Variants in TPP2 observed in about 807,000 individuals in gnomAD.
TPP2 encodes tripeptidyl peptidase 2.
TPP2 carries 34 observed loss-of-function variants against 155.9 expected under a neutral mutation model. The observed-to-expected ratio is 0.22, with a 90% CI of 0.17 to 0.29. The LOEUF (loss-of-function observed/expected upper bound fraction) is 0.29. TPP2 is among the 10% of genes least tolerant of loss of function. TPP2 has a pLI of 1.00. For synonymous variants in TPP2, 510 were observed against 529.4 expected, an observed-to-expected ratio of 0.96 and a Z score of 0.50; for missense variants, 1,028 against 1,522.3, an observed-to-expected ratio of 0.68 and a Z score of 5.40.
At chr13:102,652,780 C>A (rs929438651) in intron 24 of TPP2, among the ~76,000 whole-genome samples, 4 of 151,910 alleles carry the variant, frequency 2.6e-5, no homozygotes, top group Admixed American at 1.3e-4. Flanking sequence ...GTTTGGGGGC[C>A]ACGTAATGGG....
intron 24 of TPP2, 115 bp from the exon 25 acceptor site, chr13:102,656,941 C>A: frequency 9.2e-7 from 1 of 1,084,382 alleles, no homozygotes; most frequent in Non-Finnish European, 1.3e-6. Flanking sequence ...ATCTAGAATA[C>A]AGTGTAGTAC....
intron 2 of TPP2, among the ~76,000 whole-genome samples, chr13:102,609,009 C>G (rs1361018072): frequency 6.6e-6 from 1 of 151,930 alleles, no homozygotes; most frequent in East Asian, 1.9e-4. Flanking sequence ...ATATTTTTTT[C>G]CCTCAGGATG....
intron 27 of TPP2, chr13:102,667,916 C>T (rs1884713515): frequency 1.4e-6 from 1 of 724,996 alleles, no homozygotes; most frequent in Non-Finnish European, 1.7e-6. Context: ...AGGGGACTGC[C>T]AGCACTAAGG....
At chr13:102,659,891 A>G (rs1198846858) in intron 25 of TPP2, among the ~76,000 whole-genome samples, 1 of 152,234 alleles carries the variant, frequency 6.6e-6, no homozygotes, top group Non-Finnish European at 1.5e-5. Context: ...TATTAGGCCT[A>G]TGTAATATTT....
intron 17 of TPP2, 141 bp from the exon 18 acceptor site, chr13:102,644,416 A>G (rs1882965521): frequency 9.7e-6 from 6 of 617,876 alleles, no homozygotes; most frequent in Non-Finnish European, 1.7e-5. Context: ...CTTACTTAGC[A>G]TAGCTGTTAA....
chr13:102,650,248 AAC>A (rs1402154522), intron 23 of TPP2, among the ~76,000 whole-genome samples: 4 of 152,142 alleles, frequency 2.6e-5, no homozygotes, highest in Admixed American at 2.6e-4. Context: ...TGTCATTCTT[AAC>A]AGTTTTGCAT....
At chr13:102,673,328 G>C (rs1566376865) in intron 27 of TPP2, among the ~76,000 whole-genome samples, 1 of 152,174 alleles carries the variant, frequency 6.6e-6, no homozygotes, top group Non-Finnish European at 1.5e-5. Flanking sequence ...GAGTCTTTCA[G>C]AGTCACTCTT....
intron 8 of TPP2, 116 bp from the exon 9 acceptor site, chr13:102,629,365 AC>A: frequency 8.2e-7 from 1 of 1,221,126 alleles, no homozygotes; most frequent in Non-Finnish European, 1.1e-6. Context: ...ATCATGTTCC[AC>A]CAAGGGTGGA....
intron 28 of TPP2, among the ~76,000 whole-genome samples, 153 bp from the exon 29 acceptor site, chr13:102,676,143 A>G (rs965401997): frequency 1.3e-5 from 2 of 152,100 alleles, no homozygotes; most frequent in Non-Finnish European, 2.9e-5. Context: ...GAAGACACCA[A>G]TTTTCTTTTT....
Position 102,665,361 on chromosome 13 carries a change from A to C in TPP2, c.3371+436A>C, listed in dbSNP as rs114478621. Among the ~76,000 whole-genome samples the C allele has an allele frequency of 5.4e-3, 828 of 152,362 alleles. 7 individuals carry two copies. The highest frequency in any genetic ancestry group is 0.019 in the African/African-American group (801 of 41,584). On this transcript the variant is annotated intron_variant, in intron 27 of 29. Coordinates refer to ENST00000376052, the MANE Select transcript of TPP2 (RefSeq NM_001330588.2). The stretch of plus-strand genomic sequence containing the variant: ...TAATACGTGGTTTGTAGTGAAATAA[A>C]TGATAATAAAATTAGGTTAAAACTA...
At chr13:102,608,500 C>G (rs1032972681) in intron 2 of TPP2, among the ~76,000 whole-genome samples, 2 of 151,998 alleles carry the variant, frequency 1.3e-5, no homozygotes, top group East Asian at 3.9e-4. Flanking sequence ...TTTTTTTCCA[C>G]CTTTTCTTCA....
intron 27 of TPP2, among the ~76,000 whole-genome samples, chr13:102,671,759 G>A (rs189662488): frequency 7.9e-5 from 12 of 152,176 alleles, no homozygotes; most frequent in African/African-American, 2.4e-4. Context: ...CAAAACCTCC[G>A]TTTCCTCTTT....
intron 10 of TPP2, among the ~76,000 whole-genome samples, chr13:102,633,723 A>G (rs1882179268): frequency 6.6e-6 from 1 of 152,188 alleles, no homozygotes; most frequent in Admixed American, 6.5e-5. Flanking sequence ...ACACACAGAC[A>G]TTTCTGTACA....
Position 102,678,155 on chromosome 13 carries a change from A to C in TPP2, c.3700-72A>C, listed in dbSNP as rs946646898. 1.9e-4 allele frequency: 276 copies of C among 1,436,026 alleles called. 2 individuals carry two copies. The East Asian group carries it at 6.6e-3, about 35-fold the overall frequency. The allele number at this position is 1,436,026 out of a possible 1,614,324, so 89.0% of individuals were successfully genotyped here. ...CCTTACTGTTACTATTTAATACAGA[A>C]TTTATTCTAAATACTGAGCTTAAAA... On this transcript the variant is annotated intron_variant, in intron 29 of 29. Coordinates refer to ENST00000376052, the MANE Select transcript of TPP2 (RefSeq NM_001330588.2).
rs144672285 is a variant in TPP2 at position 102,607,711 on chromosome 13, C to T, written c.294+2790C>T. 187 of 434,916 alleles carry T rather than the reference C, an allele frequency of 4.3e-4. 1 individual carries two copies. Among genetic ancestry groups the T allele is most frequent in the African/African-American group, 3.4e-3 (165 of 49,192 alleles). The allele number at this position is 434,916 out of a possible 1,614,324, so 26.9% of individuals were successfully genotyped here. A position where few individuals can be genotyped will look rare whatever the true frequency, so the allele number is the denominator to read the frequency against. Reference sequence around the variant, plus strand: ...AAGTGATTCTTCTGCCTCAGCCTCCCGAGTAGCTGGGATTACAGGCATGCG... The same window carrying T: ...AAGTGATTCTTCTGCCTCAGCCTCCTGAGTAGCTGGGATTACAGGCATGCG... On this transcript the variant is annotated intron_variant, in intron 2 of 29. Transcript: ENST00000376052.
rs1555299812 is a variant in TPP2, at chr13:102,627,149, A to G, written c.922A>G (p.Thr308Ala). 3.7e-6 allele frequency: 6 copies of G among 1,600,526 alleles called. No homozygotes were observed. Among genetic ancestry groups the G allele is most frequent in the Non-Finnish European group, 4.3e-6 (5 of 1,174,566 alleles). The change falls in exon 7 of 30, where the codon ACA becomes GCA. Residue 308 changes from threonine to alanine, a missense_variant. Physicochemically the swap from Thr to Ala is moderately conservative, Grantham distance 58. Transcript: ENST00000376052. ...DTRLSTMETGTGLIRAMIEVI... is the reference protein window; with the variant it reads ...DTRLSTMETGAGLIRAMIEVI... ...AAGACTAAGCACAATGGAAACAGGC[A>G]CAGGCCTCATAAGAGCTGTGAGTGT...
At chr13:102,602,884 G>A (rs1879534292) in intron 1 of TPP2, among the ~76,000 whole-genome samples, 1 of 152,032 alleles carries the variant, frequency 6.6e-6, no homozygotes, top group Non-Finnish European at 1.5e-5. Context: ...TTTCTTTCTT[G>A]AGGATGGAGT....
At chr13:102,651,632 A>G (rs993801353) in intron 24 of TPP2, among the ~76,000 whole-genome samples, 1 of 151,468 alleles carries the variant, frequency 6.6e-6, no homozygotes, top group East Asian at 1.9e-4. Flanking sequence ...TTCTCTGTGT[A>G]TACAAAAATT....
chr13:102,651,591 T>TC (rs1883491310), intron 24 of TPP2, among the ~76,000 whole-genome samples, 194 bp downstream of exon 24: 1 of 151,946 alleles, frequency 6.6e-6, no homozygotes, highest in East Asian at 1.9e-4. Flanking sequence ...TTTTTTTTTT[T>TC]TCCCCACCAT....
Sources: gnomAD v4.1 joint callset for allele counts (sites outside exome capture counted in the v4.1 genomes callset) on GRCh38, gnomAD v4.1.1 for gene constraint, MANE v1.5 for transcripts, NCBI Gene and HGNC (gene_info 2026-07-23, HGNC 2026-07-21) for gene names.